Variants in GLRA2 observed in about 807,000 individuals in gnomAD.
The protein encoded by GLRA2 is glycine receptor alpha 2.
Under a neutral mutation model 31.6 loss-of-function variants are expected in GLRA2, and 11 were observed. The ratio of observed to expected loss-of-function variants is 0.35; its 90% CI spans 0.22 to 0.58. The LOEUF is 0.58. Among genes scored for constraint, GLRA2 ranks in the 20% least tolerant of loss-of-function variants. GLRA2 has a pLI of 0.84. For missense variants in GLRA2, 212 were observed against 351.8 expected (o/e 0.60, Z 3.18); for synonymous variants, 132 against 134.0 (o/e 0.99, Z 0.10).
chrX:14,576,734 G>A (rs111357173), intron 3 of GLRA2, among the ~76,000 whole-genome samples: 102 of 111,969 alleles, frequency 9.1e-4, no homozygotes, highest in African/African-American at 3.1e-3. Flanking sequence ...TTAATAAATG[G>A]GCTGCTCAGG....
intron 6 of GLRA2, among the ~76,000 whole-genome samples, chrX:14,608,596 C>G (rs1214086692): frequency 1.8e-5 from 2 of 109,784 alleles, no homozygotes; most frequent in Non-Finnish European, 3.8e-5. Flanking sequence ...ATATAATATA[C>G]TATATATAAC....
chrX:14,574,282 G>A, intron 2 of GLRA2, 51 bp from the exon 3 acceptor site: 1 of 734,181 alleles, frequency 1.4e-6, no homozygotes, highest in Non-Finnish European at 2.2e-6. Flanking sequence ...TGTTAATGGA[G>A]CTGTATTTTT....
intron 7 of GLRA2, 23 bp from the exon 8 acceptor site, chrX:14,690,687 G>A: frequency 2.9e-6 from 3 of 1,026,268 alleles, no homozygotes; most frequent in African/African-American, 1.8e-5. Flanking sequence ...CTGTGTGTGT[G>A]TGTGTCTCTC....
intron 2 of GLRA2, among the ~76,000 whole-genome samples, chrX:14,573,617 G>A (rs1345114340): frequency 9.1e-6 from 1 of 109,752 alleles, no homozygotes; most frequent in African/African-American, 3.3e-5. Context: ...GAGAACTGCA[G>A]TCAGGCTAGT....
At chrX:14,621,390 T>C (rs1436618448) in intron 7 of GLRA2, among the ~76,000 whole-genome samples, 1 of 111,323 alleles carries the variant, frequency 9.0e-6, no homozygotes. Context: ...ACACTTTAAG[T>C]TCTAGGGTGC....
At chrX:14,473,922 CTTATCTGG>C in the GLRA2 span, among the ~76,000 whole-genome samples, 1 of 111,940 alleles carries the variant, frequency 8.9e-6, no homozygotes, top group Non-Finnish European at 1.9e-5. Flanking sequence ...TTGACGTGAA[CTTATCTGG>C]TTGTTTCCTG....
chrX:14,535,263 G>A (rs1007377366), intron 2 of GLRA2, among the ~76,000 whole-genome samples: 1 of 112,051 alleles, frequency 8.9e-6, no homozygotes, highest in Non-Finnish European at 1.9e-5. Flanking sequence ...ATTGGCAAGG[G>A]AAAAAGAAGT....
the GLRA2 span, among the ~76,000 whole-genome samples, chrX:14,513,774 G>A: frequency 9.0e-6 from 1 of 111,469 alleles, no homozygotes; most frequent in East Asian, 2.8e-4. Flanking sequence ...AATAGATGTT[G>A]GCATGGATGT....
At chrX:14,586,744 A>G (rs2090085042) in intron 4 of GLRA2, among the ~76,000 whole-genome samples, 1 of 112,085 alleles carries the variant, frequency 8.9e-6, no homozygotes, top group South Asian at 3.7e-4. Flanking sequence ...ACATCATGGG[A>G]TATGGTGGAC....
the GLRA2 span, among the ~76,000 whole-genome samples, chrX:14,458,221 A>G: frequency 9.2e-4 from 102 of 111,200 alleles, 2 homozygotes; most frequent in South Asian, 0.036. Context: ...TTATGGCTGC[A>G]TAGTATTCCA....
rs1301784769 is a variant in GLRA2, at chrX:14,690,836, A to G, written c.1057A>G (p.Arg353Gly). The G allele has an allele frequency of 8.3e-7, 1 of 1,208,971 alleles. No homozygotes were observed. The highest frequency in any genetic ancestry group is 1.7e-5 in the African/African-American group (1 of 57,680). The change falls in exon 8 of 9, where the codon AGA becomes GGA. Residue 353 changes from arginine (R) to glycine (G), a missense_variant. Arg to Gly is a moderately radical substitution (Grantham distance 125, BLOSUM62 -2). Transcript: ENST00000218075. The part of the protein sequence containing the change: ...RQHKEFLRLR[R>G]RQKRQNKEED... ...ACACAAGGAGTTCCTGCGCCTCCGAAGAAGACAGAAGAGGCAGAATAAGGT... is the reference window on the plus strand; with the variant it reads ...ACACAAGGAGTTCCTGCGCCTCCGAGGAAGACAGAAGAGGCAGAATAAGGT...
the GLRA2 span, among the ~76,000 whole-genome samples, chrX:14,450,733 TCTCA>T: frequency 9.0e-6 from 1 of 111,479 alleles, no homozygotes; most frequent in East Asian, 2.8e-4. Flanking sequence ...TTTGACACAG[TCTCA>T]CTCCATCATC....
At chrX:14,512,491 G>A in the GLRA2 span, among the ~76,000 whole-genome samples, 10 of 111,698 alleles carry the variant, frequency 9.0e-5, no homozygotes, top group Non-Finnish European at 1.7e-4. Flanking sequence ...GTCACTGTTT[G>A]CTGATGATAT....
chrX:14,635,143 T>C (rs753472680), intron 7 of GLRA2, among the ~76,000 whole-genome samples: 9 of 111,905 alleles, frequency 8.0e-5, no homozygotes, highest in Non-Finnish European at 1.1e-4. Context: ...AAATTGTCTA[T>C]GTCAAGTTTA....
the GLRA2 span, among the ~76,000 whole-genome samples, chrX:14,505,835 A>G: frequency 9.0e-6 from 1 of 111,561 alleles, no homozygotes; most frequent in South Asian, 3.8e-4. Context: ...ACTTGGCTGT[A>G]CACCCAATTC....
intron 8 of GLRA2, among the ~76,000 whole-genome samples, chrX:14,710,199 T>C (rs2091692622): frequency 8.9e-6 from 1 of 112,027 alleles, no homozygotes; most frequent in South Asian, 3.7e-4. Context: ...TTCTCAGTTC[T>C]TGAGTTTACT....
At chrX:14,550,611 C>T (rs1442757342) in intron 2 of GLRA2, among the ~76,000 whole-genome samples, 1 of 111,038 alleles carries the variant, frequency 9.0e-6, no homozygotes, top group Non-Finnish European at 1.9e-5. Flanking sequence ...TAAAAAAGAG[C>T]ATCAGGCCCT....
intron 8 of GLRA2, among the ~76,000 whole-genome samples, chrX:14,708,160 C>T (rs2147227377): frequency 8.9e-6 from 1 of 111,771 alleles, no homozygotes; most frequent in South Asian, 3.8e-4. Flanking sequence ...CCTTGACCAA[C>T]ATCTTCCCCT....
chrX:14,522,202 T>C, the GLRA2 span, among the ~76,000 whole-genome samples: 1 of 112,465 alleles, frequency 8.9e-6, no homozygotes, highest in Non-Finnish European at 1.9e-5. Flanking sequence ...TTCAACAGTG[T>C]TCACAGCATC....
Sources: gnomAD v4.1 joint callset for allele counts (sites outside exome capture counted in the v4.1 genomes callset) on GRCh38, gnomAD v4.1.1 for gene constraint, MANE v1.5 for transcripts, NCBI Gene and HGNC (gene_info 2026-07-23, HGNC 2026-07-21) for gene names.